DAB1: variants seen among roughly 807,000 people sequenced by gnomAD.
DAB1 encodes disabled homolog 1.
A neutral mutation model predicts 64.6 loss-of-function variants in DAB1; 15 were observed. The ratio of observed to expected loss-of-function variants is 0.23; its 90% CI spans 0.16 to 0.36. The LOEUF (loss-of-function observed/expected upper bound fraction) is 0.36, where lower values mean the gene tolerates loss of function less well. Among genes scored for constraint, DAB1 ranks in the 10% least tolerant of loss-of-function variants. The pLI is 1.00. For synonymous variants in DAB1, 235 were observed against 251.9 expected, an observed-to-expected ratio of 0.93 and a Z score of 0.64; for missense variants, 596 against 706.7, an observed-to-expected ratio of 0.84 and a Z score of 1.78.
intron 4 of DAB1, among the ~76,000 whole-genome samples, chr1:58,225,285 T>C (rs1659405394): frequency 6.6e-6 from 1 of 152,144 alleles, no homozygotes; most frequent in Non-Finnish European, 1.5e-5. Context: ...CCAGTTAGAA[T>C]GGCAATCATT....
At chr1:58,021,187 C>T (rs1184568408) in intron 5 of DAB1, among the ~76,000 whole-genome samples, 1 of 152,208 alleles carries the variant, frequency 6.6e-6, no homozygotes, top group East Asian at 1.9e-4. Context: ...CTGGTTTGAA[C>T]CCAGCATGGG....
At chr1:58,400,134 G>T (rs1569729501) in intron 3 of DAB1, among the ~76,000 whole-genome samples, 1 of 151,902 alleles carries the variant, frequency 6.6e-6, no homozygotes, top group East Asian at 1.9e-4. Flanking sequence ...TCCCAGGCAG[G>T]GCTTTCTCTG....
At chr1:58,516,712 C>G (rs1044960801) in intron 2 of DAB1, among the ~76,000 whole-genome samples, 1 of 152,108 alleles carries the variant, frequency 6.6e-6, no homozygotes, top group African/African-American at 2.4e-5. Flanking sequence ...ACGTTGAAAC[C>G]TCATAAATCC....
intron 1 of DAB1, among the ~76,000 whole-genome samples, chr1:57,420,425 T>A (rs531025343): frequency 1.3e-5 from 2 of 152,230 alleles, no homozygotes; most frequent in Non-Finnish European, 2.9e-5. Flanking sequence ...AGAATACAAG[T>A]ATCCACATCC....
chr1:58,365,756 T>C (rs552227385), intron 3 of DAB1, among the ~76,000 whole-genome samples: 1 of 152,264 alleles, frequency 6.6e-6, no homozygotes, highest in Non-Finnish European at 1.5e-5. Flanking sequence ...GGGCACAAAA[T>C]TTAAGGAGGC....
chr1:58,009,684 C>T (rs1039465848), intron 5 of DAB1, among the ~76,000 whole-genome samples: 1 of 152,092 alleles, frequency 6.6e-6, no homozygotes, highest in Non-Finnish European at 1.5e-5. Context: ...TAATAGAAAC[C>T]ATCTGAAAGC....
intron 1 of DAB1, among the ~76,000 whole-genome samples, chr1:57,846,841 G>T (rs892152039): frequency 6.6e-6 from 1 of 152,168 alleles, no homozygotes; most frequent in Non-Finnish European, 1.5e-5. Context: ...ACACAGACAC[G>T]CAAACAATCT....
chr1:57,602,634 A>G (rs537933150), intron 7 of DAB1, among the ~76,000 whole-genome samples: 12 of 152,346 alleles, frequency 7.9e-5, no homozygotes, highest in Non-Finnish European at 1.8e-4. Context: ...AAGTTTGGCA[A>G]TGAGGCTGCA....
chr1:58,368,358 G>A (rs1022239462), intron 3 of DAB1, among the ~76,000 whole-genome samples: 11 of 152,120 alleles, frequency 7.2e-5, no homozygotes, highest in Admixed American at 5.9e-4. Context: ...GTAACCGAGA[G>A]TTCTGACATC....
chr1:58,025,179 C>A (rs540644968), intron 5 of DAB1, among the ~76,000 whole-genome samples: 65 of 151,838 alleles, frequency 4.3e-4, no homozygotes, highest in Admixed American at 4.0e-4. Flanking sequence ...ACATCTCTAG[C>A]AACATAAACA....
At position 56,997,337 on chromosome 1, in the gene DAB1, GGTTC is replaced by G. The variant is rs1461723073; in HGVS notation, c.*803_*806del. On this transcript the variant is annotated 3_prime_UTR_variant, in exon 15 of 15. Transcript: ENST00000371236. Reference sequence around the variant, plus strand: ...TGTCTTTTCCTACTCACAGAATGAAGGTTCGTACTGAAAGCTGTCTTTCTTCACC... The same window carrying G: ...TGTCTTTTCCTACTCACAGAATGAAGGTACTGAAAGCTGTCTTTCTTCACC... The G allele has an allele frequency of 1.4e-4, 22 of 152,228 alleles. No homozygotes were observed. The highest frequency in any genetic ancestry group is 4.3e-4 in the African/African-American group (18 of 41,532). The allele number at this position is 152,228 out of a possible 1,614,324, so 9.4% of individuals were successfully genotyped here. A position where few individuals can be genotyped will look rare whatever the true frequency, so the allele number is the denominator to read the frequency against.
chr1:58,091,637 T>C (rs1041486685), intron 5 of DAB1, among the ~76,000 whole-genome samples: 2 of 152,028 alleles, frequency 1.3e-5, no homozygotes, highest in African/African-American at 2.4e-5. Context: ...ACAGGCCAAC[T>C]CTCCCTTCCA....
intron 5 of DAB1, among the ~76,000 whole-genome samples, chr1:58,050,578 G>A (rs1471536944): frequency 6.6e-6 from 1 of 152,106 alleles, no homozygotes; most frequent in Admixed American, 6.6e-5. Context: ...CACCCAGGCT[G>A]GAGTGCAGTG....
At chr1:58,200,930 C>T (rs1321651333) in intron 4 of DAB1, among the ~76,000 whole-genome samples, 1 of 152,152 alleles carries the variant, frequency 6.6e-6, no homozygotes, top group Non-Finnish European at 1.5e-5. Context: ...AATTTCTTTT[C>T]CAATTAGCTT....
chr1:57,153,068 CAG>C (rs1659847661), intron 2 of DAB1, among the ~76,000 whole-genome samples: 1 of 152,140 alleles, frequency 6.6e-6, no homozygotes, highest in Non-Finnish European at 1.5e-5. Flanking sequence ...CTCTGTCATC[CAG>C]GCTGACGTGC....
intron 6 of DAB1, among the ~76,000 whole-genome samples, chr1:57,749,895 A>G (rs1489639925): frequency 2.0e-5 from 3 of 152,178 alleles, no homozygotes; most frequent in Non-Finnish European, 4.4e-5. Context: ...TGCAAATGCC[A>G]GTAGCTCAGT....
intron 5 of DAB1, among the ~76,000 whole-genome samples, chr1:58,132,413 C>T (rs886838298): frequency 4.6e-5 from 7 of 152,186 alleles, no homozygotes; most frequent in Non-Finnish European, 7.3e-5. Flanking sequence ...AGAAATCACC[C>T]GTCTTCTGCG....
At chr1:57,339,547 G>A (rs1352322723) in intron 1 of DAB1, among the ~76,000 whole-genome samples, 2 of 152,176 alleles carry the variant, frequency 1.3e-5, no homozygotes, top group Non-Finnish European at 2.9e-5. Flanking sequence ...ATTTCTAAGT[G>A]TACACTTAAG....
At chr1:57,949,917 A>G (rs1645246502) in intron 5 of DAB1, among the ~76,000 whole-genome samples, 1 of 152,154 alleles carries the variant, frequency 6.6e-6, no homozygotes, top group Non-Finnish European at 1.5e-5. Context: ...ATCCTCAGAA[A>G]AGTCCTAGGA....
Sources: gnomAD v4.1 joint callset for allele counts (sites outside exome capture counted in the v4.1 genomes callset) on GRCh38, gnomAD v4.1.1 for gene constraint, MANE v1.5 for transcripts, NCBI Gene and HGNC (gene_info 2026-07-23, HGNC 2026-07-21) for gene names.